The following ANKS1B variants were observed in gnomAD, a reference collection of about 807,000 sequenced individuals.
ANKS1B encodes the protein ankyrin repeat and sterile alpha motif domain containing 1B, also known as ankyrin repeat and sterile alpha motif domain-containing protein 1B.
Under a neutral mutation model 148.3 loss-of-function variants are expected in ANKS1B, and 36 were observed. The ratio of observed to expected loss-of-function variants is 0.24; its 90% confidence interval spans 0.19 to 0.32. ANKS1B has a LOEUF of 0.32. Ranked by LOEUF, ANKS1B falls within the 10% of genes least tolerant of loss-of-function variation. The pLI is 1.00. For synonymous variants in ANKS1B, 542 were observed against 560.8 expected, an observed-to-expected ratio of 0.97 and a Z score of 0.47; for missense variants, 1,157 against 1,542.6, an observed-to-expected ratio of 0.75 and a Z score of 4.19.
chr12:99,894,700 T>C lies in ANKS1B; in HGVS notation c.135-69311A>G, dbSNP rs533692765. Among the ~76,000 whole-genome samples, 62 of 149,926 alleles carry C rather than the reference T, an allele frequency of 4.1e-4. No individual in the cohort carries two copies. In the East Asian group the frequency reaches 0.012, roughly 29 times the overall value. On this transcript the variant is annotated intron_variant, in intron 1 of 26. Coordinates refer to ENST00000683438, the MANE Select transcript of ANKS1B (RefSeq NM_001352186.2). ...TATTCCATACTTTATTATAAAATAG[T>C]CTTTGTGTTAGATTATTTCACCCCA...
At chr12:99,931,668 T>C (rs1603465006) in intron 1 of ANKS1B, among the ~76,000 whole-genome samples, 1 of 152,206 alleles carries the variant, frequency 6.6e-6, no homozygotes, top group Non-Finnish European at 1.5e-5. Flanking sequence ...ACATAGTGTA[T>C]GTATTTATGG....
At chr12:99,369,804 A>AGACG (rs1035188552) in intron 12 of ANKS1B, among the ~76,000 whole-genome samples, 5 of 115,448 alleles carry the variant, frequency 4.3e-5, no homozygotes, top group South Asian at 5.3e-4. Context: ...ACGGACGGAC[A>AGACG]GACGGACGGA....
At chr12:99,541,827 C>A (rs2097129072) in intron 9 of ANKS1B, among the ~76,000 whole-genome samples, 1 of 151,518 alleles carries the variant, frequency 6.6e-6, no homozygotes, top group African/African-American at 2.4e-5. Flanking sequence ...TGCACTCCAG[C>A]CTGGCAACAG....
At chr12:99,509,900 C>CTTTA (rs35693594) in intron 9 of ANKS1B, among the ~76,000 whole-genome samples, 1 of 151,988 alleles carries the variant, frequency 6.6e-6, no homozygotes, top group Non-Finnish European at 1.5e-5. Context: ...CAGTTGATGA[C>CTTTA]TTTAAGTTGA....
chr12:99,962,463 T>G (rs1033374631), intron 1 of ANKS1B, among the ~76,000 whole-genome samples: 3 of 152,156 alleles, frequency 2.0e-5, no homozygotes, highest in Non-Finnish European at 4.4e-5. Flanking sequence ...TGATGGGCAT[T>G]TGGGTTGGTT....
chr12:99,065,612 AT>A (rs869128216), intron 16 of ANKS1B, among the ~76,000 whole-genome samples: 8,085 of 146,406 alleles, frequency 0.055, 432 homozygotes, highest in East Asian at 0.29. Context: ...CCATCCATCC[AT>A]CCATCCATCC....
At chr12:99,504,368 G>T in intron 10 of ANKS1B, 108 bp downstream of exon 10, 3 of 1,128,978 alleles carry the variant, frequency 2.7e-6, no homozygotes, top group Non-Finnish European at 3.8e-6. Context: ...CTACATTGGG[G>T]GAACTTTCAT....
intron 17 of ANKS1B, among the ~76,000 whole-genome samples, chr12:98,919,133 A>G (rs748553459): frequency 3.9e-5 from 6 of 152,196 alleles, no homozygotes; most frequent in Non-Finnish European, 8.8e-5. Context: ...GATCAGGAAA[A>G]TACTTGGCTC....
intron 17 of ANKS1B, among the ~76,000 whole-genome samples, chr12:99,037,596 A>G (rs538425802): frequency 1.3e-5 from 2 of 152,356 alleles, no homozygotes; most frequent in South Asian, 4.1e-4. Flanking sequence ...TGATTGTAGA[A>G]TACATGGCCT....
At chr12:99,249,279 T>C (rs2074264961) in intron 12 of ANKS1B, among the ~76,000 whole-genome samples, 1 of 152,216 alleles carries the variant, frequency 6.6e-6, no homozygotes, top group Non-Finnish European at 1.5e-5. Context: ...TTTCCGACGA[T>C]GTTCATTATC....
intron 1 of ANKS1B, among the ~76,000 whole-genome samples, chr12:99,972,583 TG>T (rs1379166122): frequency 1.8e-4 from 27 of 152,130 alleles, no homozygotes; most frequent in African/African-American, 6.3e-4. Context: ...AAGAAAAATC[TG>T]AAGGTAGCAG....
chr12:99,283,529 G>T (rs12309017), intron 12 of ANKS1B, among the ~76,000 whole-genome samples: 41,381 of 152,034 alleles, frequency 0.27, 6,224 homozygotes, highest in African/African-American at 0.39. Context: ...GGGAGGATGA[G>T]TTCTTTATCA....
chr12:99,218,325 CT>C (rs1334571973), intron 14 of ANKS1B, among the ~76,000 whole-genome samples: 2 of 152,070 alleles, frequency 1.3e-5, no homozygotes, highest in African/African-American at 4.8e-5. Context: ...CCCTAGGTGT[CT>C]TTATTGAATT....
intron 12 of ANKS1B, among the ~76,000 whole-genome samples, chr12:99,370,853 T>A (rs1374381304): frequency 6.6e-6 from 1 of 152,140 alleles, no homozygotes; most frequent in African/African-American, 2.4e-5. Flanking sequence ...ATATAGTTAG[T>A]CCTAAGATTG....
intron 9 of ANKS1B, among the ~76,000 whole-genome samples, chr12:99,530,347 A>C (rs370806433): frequency 2.0e-5 from 3 of 152,192 alleles, no homozygotes; most frequent in Non-Finnish European, 4.4e-5. Context: ...CTTACCTTAC[A>C]TACTTTCTGC....
At chr12:98,859,020 T>C (rs566938483) in intron 17 of ANKS1B, among the ~76,000 whole-genome samples, 4 of 152,346 alleles carry the variant, frequency 2.6e-5, no homozygotes, top group Non-Finnish European at 5.9e-5. Context: ...TAAATCCTTA[T>C]TTTCATGGAT....
At chr12:99,613,887 A>C (rs1239322271) in intron 9 of ANKS1B, among the ~76,000 whole-genome samples, 1 of 152,068 alleles carries the variant, frequency 6.6e-6, no homozygotes, top group African/African-American at 2.4e-5. Context: ...ATGCATGGAA[A>C]AAAAAAAGTC....
chr12:99,058,806 C>T lies in ANKS1B; in HGVS notation c.2626-5497G>A, dbSNP rs866223822. Among the ~76,000 whole-genome samples, 121 of 139,164 alleles carry T rather than the reference C, an allele frequency of 8.7e-4. 1 individual carries two copies. The highest frequency in any genetic ancestry group is 5.6e-3 in the Admixed American group (75 of 13,466). The allele number at this position is 139,164 out of a possible 152,430, so 91.3% of individuals were successfully genotyped here. A position where few individuals can be genotyped will look rare whatever the true frequency, so the allele number is the denominator to read the frequency against. ...AGGCTGGAGTGCAGTGGCGCGATCT[C>T]GGCTCACTGCAAGCTCCGCCTCCCA... On this transcript the variant is annotated intron_variant, in intron 16 of 26. Coordinates refer to ENST00000683438, the MANE Select transcript of ANKS1B (RefSeq NM_001352186.2).
chr12:99,568,714 T>G (rs2097422516), intron 9 of ANKS1B, among the ~76,000 whole-genome samples: 1 of 152,224 alleles, frequency 6.6e-6, no homozygotes, highest in Non-Finnish European at 1.5e-5. Context: ...TAACATCATG[T>G]TCTTAAGGAG....
Sources: gnomAD v4.1 joint callset for allele counts (sites outside exome capture counted in the v4.1 genomes callset) on GRCh38, gnomAD v4.1.1 for gene constraint, MANE v1.5 for transcripts, NCBI Gene and HGNC (gene_info 2026-07-23, HGNC 2026-07-21) for gene names.